The following LRBA variants were observed in gnomAD, a reference collection of about 807,000 sequenced individuals.
The protein encoded by LRBA is lipopolysaccharide-responsive and beige-like anchor protein.
Under a neutral mutation model 330.0 loss-of-function variants are expected in LRBA, and 176 were observed. That is an observed-to-expected ratio of 0.53 (90% CI 0.47 to 0.60). LRBA has a LOEUF of 0.60. Ranked by LOEUF, LRBA falls within the 20% of genes least tolerant of loss-of-function variation. The pLI is 0.00. For synonymous variants in LRBA, 1,230 were observed against 1,193.0 expected, an observed-to-expected ratio of 1.03 and a Z score of -0.64; for missense variants, 3,259 against 3,444.8, an observed-to-expected ratio of 0.95 and a Z score of 1.35.
chr4:150,803,352 G>A (rs1045191952), intron 33 of LRBA, among the ~76,000 whole-genome samples: 1 of 151,796 alleles, frequency 6.6e-6, no homozygotes, highest in Non-Finnish European at 1.5e-5. Context: ...GCAAAATAAA[G>A]GGAAGTAGAG....
At position 150,510,314 on chromosome 4, in the gene LRBA, T is replaced by G. The variant is rs1022518847; in HGVS notation, c.6331-19279A>C. 3.3e-5 allele frequency among the ~76,000 whole-genome samples: 5 copies of G among 152,108 alleles called. No individual in the cohort carries two copies. In the East Asian group the frequency reaches 9.6e-4, roughly 29 times the overall value. ...TCTACCAAATATTTAAGGAAGAAAC[T>G]CTATACAAACTTGTCCAGAATATTA... is the stretch of plus-strand genomic sequence containing the variant. On this transcript the variant is annotated intron_variant, in intron 40 of 56. Transcript: ENST00000651943.
chr4:150,323,335 C>T (rs1377545061), intron 49 of LRBA, among the ~76,000 whole-genome samples: 5 of 152,038 alleles, frequency 3.3e-5, no homozygotes, highest in Non-Finnish European at 7.4e-5. Context: ...TTTATAAACT[C>T]AGAGAAAATC....
chr4:150,918,759 A>G (rs1313670203), intron 5 of LRBA, among the ~76,000 whole-genome samples: 1 of 152,310 alleles, frequency 6.6e-6, no homozygotes, highest in South Asian at 2.1e-4. Context: ...AAAAACAAAC[A>G]AACAAAAATA....
chr4:150,489,287 A>ATATATATAATATATTATATATAC (rs1561250553), intron 41 of LRBA, among the ~76,000 whole-genome samples: 3 of 57,164 alleles, frequency 5.2e-5, no homozygotes, highest in East Asian at 1.0e-3. Flanking sequence ...ATTATATATA[A>ATATATATAATATATTATATATAC]GAATATATAA....
Position 150,773,664 on chromosome 4 carries a change from T to A in LRBA, c.5581-11817A>T, listed in dbSNP as rs184341017. On this transcript the variant is annotated intron_variant, in intron 34 of 56. Coordinates refer to ENST00000651943, the MANE Select transcript of LRBA (RefSeq NM_001364905.1). Reference sequence around the variant, plus strand: ...ATTTTCTTAGGTAGAGGCAGTTCAGTGGCTTCCACCTGGGGCCTTTCCCAT... The same window carrying A: ...ATTTTCTTAGGTAGAGGCAGTTCAGAGGCTTCCACCTGGGGCCTTTCCCAT... 6.6e-5 allele frequency among the ~76,000 whole-genome samples: 10 copies of A among 152,374 alleles called. No individual in the cohort carries two copies. The East Asian group carries it at 1.9e-3, about 29-fold the overall frequency.
chr4:150,332,759 G>A (rs1454891571), intron 48 of LRBA, among the ~76,000 whole-genome samples: 1 of 152,066 alleles, frequency 6.6e-6, no homozygotes, highest in African/African-American at 2.4e-5. Flanking sequence ...CCTGAAGTCA[G>A]CAGGCAGCAT....
chr4:150,587,671 C>T (rs1385221209), intron 40 of LRBA, among the ~76,000 whole-genome samples: 1 of 152,044 alleles, frequency 6.6e-6, no homozygotes, highest in East Asian at 1.9e-4. Flanking sequence ...GATATATTGG[C>T]ATCATATCCA....
At chr4:150,504,895 T>G (rs955829112) in intron 40 of LRBA, among the ~76,000 whole-genome samples, 4 of 151,328 alleles carry the variant, frequency 2.6e-5, no homozygotes, top group East Asian at 1.9e-4. Context: ...ACCAAGCAAA[T>G]GGAAAACAAA....
intron 2 of LRBA, among the ~76,000 whole-genome samples, chr4:150,970,395 G>C (rs1238729304): frequency 1.3e-5 from 2 of 151,656 alleles, no homozygotes; most frequent in African/African-American, 4.8e-5. Flanking sequence ...AGCTACTTGG[G>C]AGGTTGAGGT....
intron 48 of LRBA, among the ~76,000 whole-genome samples, chr4:150,328,501 G>A (rs1274736383): frequency 6.6e-6 from 1 of 151,984 alleles, no homozygotes; most frequent in Non-Finnish European, 1.5e-5. Flanking sequence ...TCAATACATG[G>A]AGATAGGGTT....
intron 47 of LRBA, among the ~76,000 whole-genome samples, chr4:150,357,667 A>T (rs571500545): frequency 3.3e-4 from 46 of 140,638 alleles, no homozygotes; most frequent in Middle Eastern, 3.7e-3. Context: ...TTTTTTTTTA[A>T]AAAAAACCTT....
At chr4:150,874,002 T>C (rs1753731177) in intron 17 of LRBA, among the ~76,000 whole-genome samples, 1 of 152,186 alleles carries the variant, frequency 6.6e-6, no homozygotes, top group African/African-American at 2.4e-5. Context: ...TACTAATATG[T>C]TGTATGTTTC....
chr4:150,608,324 C>A (rs1226069684), intron 37 of LRBA, among the ~76,000 whole-genome samples: 1 of 152,008 alleles, frequency 6.6e-6, no homozygotes, highest in Non-Finnish European at 1.5e-5. Context: ...TTTTGCTAGA[C>A]CCAGAGAAGA....
rs561653202 is a variant in LRBA at position 150,668,205 on chromosome 4, A to C, written c.5921+15346T>G. Among the ~76,000 whole-genome samples, 5 of 152,378 alleles carry C rather than the reference A, an allele frequency of 3.3e-5. No individual in the cohort carries two copies. The South Asian group carries it at 1.0e-3, about 32-fold the overall frequency. On this transcript the variant is annotated intron_variant, in intron 37 of 56. Coordinates refer to ENST00000651943, the MANE Select transcript of LRBA (RefSeq NM_001364905.1). ...TGGACTCTAGATATCTATGAGTCTTAGTAAAGTCCAAAACCCAGTATGTGC... is the reference window on the plus strand; with the variant it reads ...TGGACTCTAGATATCTATGAGTCTTCGTAAAGTCCAAAACCCAGTATGTGC...
At chr4:150,934,008 G>C (rs1734795310) in intron 2 of LRBA, among the ~76,000 whole-genome samples, 1 of 151,536 alleles carries the variant, frequency 6.6e-6, no homozygotes, top group African/African-American at 2.4e-5. Flanking sequence ...TGGGCGACAG[G>C]GCAAGACCCT....
rs1471059827 is a variant in LRBA at position 150,961,436 on chromosome 4, G to A, written c.217-32371C>T. On this transcript the variant is annotated intron_variant, in intron 2 of 56. Transcript: ENST00000651943. ...GAGAAAACTTAAAGCTAAGACAGAAGAAACAGAGATTAGCCAGAAAAAAAC... is the reference window on the plus strand; with the variant it reads ...GAGAAAACTTAAAGCTAAGACAGAAAAAACAGAGATTAGCCAGAAAAAAAC... 1.3e-5 allele frequency among the ~76,000 whole-genome samples: 2 copies of A among 149,020 alleles called. 1 individual carries two copies. Among genetic ancestry groups the A allele is most frequent in the African/African-American group, 5.2e-5 (2 of 38,592 alleles).
chr4:150,712,704 T>C (rs890002458), intron 36 of LRBA, among the ~76,000 whole-genome samples: 1 of 152,114 alleles, frequency 6.6e-6, no homozygotes, highest in Non-Finnish European at 1.5e-5. Flanking sequence ...ACGATTACAA[T>C]TCTACTGGAC....
intron 2 of LRBA, among the ~76,000 whole-genome samples, chr4:150,990,852 A>G (rs1191330805): frequency 4.6e-5 from 7 of 152,096 alleles, no homozygotes; most frequent in Non-Finnish European, 8.8e-5. Flanking sequence ...AACTCTGTCT[A>G]TTACTAAAAT....
chr4:150,981,144 T>C (rs866562165), intron 2 of LRBA, among the ~76,000 whole-genome samples: 4 of 150,640 alleles, frequency 2.7e-5, no homozygotes, highest in Non-Finnish European at 4.4e-5. Flanking sequence ...CTCGGCGCAG[T>C]GGCTCACGCC....
Sources: allele counts gnomAD v4.1 joint callset (sites outside exome capture counted in the v4.1 genomes callset), GRCh38; gene constraint gnomAD v4.1.1; transcripts MANE v1.5; gene names NCBI Gene and HGNC (gene_info 2026-07-23, HGNC 2026-07-21).